THBS4: variants seen among roughly 807,000 people sequenced by gnomAD.
The protein encoded by THBS4 is thrombospondin 4.
In THBS4, 90 loss-of-function variants were observed where a neutral mutation model predicts 115.7. The observed-to-expected ratio is 0.78, with a 90% CI of 0.66 to 0.93. THBS4 has a LOEUF of 0.93. THBS4 is among the 40% of genes least tolerant of loss of function. The pLI is 0.00. For missense variants in THBS4, 1,087 were observed against 1,232.7 expected, an observed-to-expected ratio of 0.88 and a Z score of 1.77; for synonymous variants, 460 against 479.3, an observed-to-expected ratio of 0.96 and a Z score of 0.53.
chr5:80,026,893 C>T (rs1414785368), intron 2 of THBS4, among the ~76,000 whole-genome samples: 1 of 152,172 alleles, frequency 6.6e-6, no homozygotes, highest in Admixed American at 6.5e-5. Context: ...TTTTTCCCCA[C>T]ACTCTCATTC....
intron 2 of THBS4, among the ~76,000 whole-genome samples, chr5:80,025,215 G>T (rs1832452255): frequency 6.6e-6 from 1 of 152,164 alleles, no homozygotes; most frequent in South Asian, 2.1e-4. Flanking sequence ...AAAAGAAAAA[G>T]ATGACGTGTG....
chr5:80,076,770 C>G lies in THBS4; in HGVS notation c.1893-85C>G, dbSNP rs2112160637. On this transcript the variant is annotated intron_variant, in intron 15 of 21. Coordinates refer to ENST00000350881, the MANE Select transcript of THBS4 (RefSeq NM_003248.6). ...GCCAACCCTGGTTTAAAAAAAACCT[C>G]AAGCACAGACTCTCCTTCCTAAAAA... 2.3e-6 allele frequency: 3 copies of G among 1,328,734 alleles called. No homozygotes were observed. In the South Asian group the frequency reaches 6.5e-5, roughly 29 times the overall value. The allele number at this position is 1,328,734 out of a possible 1,614,324, so 82.3% of individuals were successfully genotyped here.
chr5:80,018,444 G>T (rs1430188364), intron 2 of THBS4, among the ~76,000 whole-genome samples: 3 of 144,040 alleles, frequency 2.1e-5, no homozygotes, highest in African/African-American at 7.9e-5. Flanking sequence ...ACCCAGGCTG[G>T]AGTGCAATGG....
chr5:79,999,146 A>G (rs1160383910), intron 2 of THBS4, among the ~76,000 whole-genome samples: 1 of 152,252 alleles, frequency 6.6e-6, no homozygotes, highest in Non-Finnish European at 1.5e-5. Flanking sequence ...AAAAAAAGCA[A>G]TATATTAAAA....
At chr5:80,061,042 G>C (rs994745184) in intron 7 of THBS4, among the ~76,000 whole-genome samples, 1 of 152,194 alleles carries the variant, frequency 6.6e-6, no homozygotes, top group African/African-American at 2.4e-5. Flanking sequence ...CCCTCAATTG[G>C]AGAAACAACT....
intron 2 of THBS4, chr5:80,019,848 C>T (rs1365022802): frequency 1.8e-5 from 3 of 164,148 alleles, no homozygotes; most frequent in African/African-American, 7.2e-5. Flanking sequence ...TTCACTGTCT[C>T]TCTCACTGGC....
At chr5:80,027,887 C>T in intron 2 of THBS4, among the ~76,000 whole-genome samples, 1 of 115,676 alleles carries the variant, frequency 8.6e-6, no homozygotes. Flanking sequence ...GAGTGAGACC[C>T]TGTCTCCAAA....
intron 9 of THBS4, 103 bp downstream of exon 9, chr5:80,065,580 A>G: frequency 1.6e-6 from 1 of 639,510 alleles, no homozygotes; most frequent in Non-Finnish European, 2.1e-6. Flanking sequence ...ACATGTGGGC[A>G]TAATATATTT....
At chr5:80,013,020 C>T (rs1045257472) in intron 2 of THBS4, among the ~76,000 whole-genome samples, 2 of 152,226 alleles carry the variant, frequency 1.3e-5, no homozygotes, top group African/African-American at 4.8e-5. Context: ...TGCTGGAACA[C>T]ATGAGACTTC....
intron 8 of THBS4, among the ~76,000 whole-genome samples, chr5:80,063,858 T>C (rs1285162806): frequency 6.6e-6 from 1 of 151,908 alleles, no homozygotes; most frequent in Non-Finnish European, 1.5e-5. Context: ...TCAAAGAAAA[T>C]AAAAGGAAAT....
In THBS4 at chr5:80,035,574, C is replaced by T; in HGVS notation, c.37C>T (p.His13Tyr). 3 of 1,440,148 alleles carry T rather than the reference C, an allele frequency of 2.1e-6. No homozygotes were observed. Among genetic ancestry groups the T allele is most frequent in the Non-Finnish European group, 2.7e-6 (3 of 1,096,326 alleles). 89.2% of individuals were successfully genotyped at this position (1,440,148 alleles called of 1,614,324 possible). Residue 13 changes from histidine to tyrosine, a missense_variant, in exon 1 of 22, where the codon CAC (histidine) becomes TAC (tyrosine). Coordinates refer to ENST00000350881, the MANE Select transcript of THBS4 (RefSeq NM_003248.6). This position sits in a 1 kb window ranked among gnomAD's most constrained non-coding sequence, Gnocchi z 4.6. ...APRGAAVLLL[H>Y]LVLQRWLAAG... ...GCGCGGAGCCGCCGTCCTCCTGCTG[C>T]ACCTGGTCCTGCAGCGGTGGCTAGC...
At position 80,082,401 on chromosome 5, in the gene THBS4, C is replaced by T. The variant is rs1445476740; in HGVS notation, c.2685-5C>T. ...TGGAGGCCCCTCCGGCCGTGTTGTC[C>T]GCAGGGTACGATTTTATGAAGGCTC... On this transcript the variant is annotated splice_polypyrimidine_tract_variant and splice_region_variant and intron_variant, in intron 20 of 21. Transcript: ENST00000350881. The T allele has an allele frequency of 8.7e-6, 14 of 1,613,778 alleles. No homozygotes were observed. The highest frequency in any genetic ancestry group is 6.7e-5 in the African/African-American group (5 of 74,912).
chr5:80,035,122 C>T (rs567975180), upstream of THBS4, among the ~76,000 whole-genome samples: 4 of 152,052 alleles, frequency 2.6e-5, no homozygotes, highest in African/African-American at 9.6e-5. This position sits in a 1 kb window ranked among gnomAD's most constrained non-coding sequence, Gnocchi z 4.6. Flanking sequence ...CCCATCTTCG[C>T]CCCTACCCTC....
In THBS4 at chr5:80,061,274, G is replaced by A. The variant is rs967954003; in HGVS notation, c.988-421G>A. Among the ~76,000 whole-genome samples, 11 of 152,294 alleles carry A rather than the reference G, an allele frequency of 7.2e-5. No homozygotes were observed. In the East Asian group the frequency reaches 1.2e-3, roughly 16 times the overall value. On this transcript the variant is annotated intron_variant, in intron 7 of 21. Transcript: ENST00000350881. ...GATTACATGGTAATGAAGAGGCACC[G>A]GCCCTGGCTTTGCCTTCTCGAGGTC...
chr5:80,064,883 G>A (rs1833760323), intron 8 of THBS4, among the ~76,000 whole-genome samples: 1 of 152,056 alleles, frequency 6.6e-6, no homozygotes, highest in Non-Finnish European at 1.5e-5. Context: ...CATGGGCTAG[G>A]AGGTGAACCT....
intron 20 of THBS4, chr5:80,082,187 C>CACACACACGG (rs1383337780): frequency 4.4e-6 from 2 of 455,514 alleles, no homozygotes; most frequent in Non-Finnish European, 7.6e-6. Context: ...CCCCCCTCCA[C>CACACACACGG]ACACACACGG....
At chr5:80,038,365 C>A (rs1377230926) in intron 1 of THBS4, among the ~76,000 whole-genome samples, 1 of 152,096 alleles carries the variant, frequency 6.6e-6, no homozygotes, top group African/African-American at 2.4e-5. Flanking sequence ...CTTTTCACAT[C>A]TGTAAGTATT....
intron 15 of THBS4, 133 bp from the exon 16 acceptor site, chr5:80,076,722 C>T: frequency 1.2e-6 from 1 of 865,680 alleles, no homozygotes; most frequent in Non-Finnish European, 1.7e-6. Context: ...AAGGGAATGA[C>T]CCCAGTGGGT....
intron 2 of THBS4, among the ~76,000 whole-genome samples, chr5:80,030,095 T>C (rs1423508751): frequency 6.6e-6 from 1 of 152,242 alleles, no homozygotes; most frequent in Non-Finnish European, 1.5e-5. Context: ...TTAAGCACCT[T>C]CCTTTATTAT....
Sources: gnomAD v4.1 joint callset for allele counts (sites outside exome capture counted in the v4.1 genomes callset) on GRCh38, gnomAD v4.1.1 for gene constraint, Gnocchi (gnomAD v3.1) non-coding constraint, MANE v1.5 for transcripts, NCBI Gene and HGNC (gene_info 2026-07-23, HGNC 2026-07-21) for gene names.